WDR27: variants seen among roughly 807,000 people sequenced by gnomAD.
WDR27 encodes WD repeat-containing protein 27.
In WDR27, 100 loss-of-function variants were observed where a neutral mutation model predicts 114.4. That is an observed-to-expected ratio of 0.87 (90% CI 0.74 to 1.03). The LOEUF (loss-of-function observed/expected upper bound fraction) is 1.03. Ranked by LOEUF, WDR27 falls within the 50% of genes least tolerant of loss-of-function variation. WDR27 has a pLI of 0.00. For synonymous variants in WDR27, 449 were observed against 423.1 expected (o/e 1.06, Z -0.75); for missense variants, 1,129 against 1,092.9 (o/e 1.03, Z -0.47).
intron 13 of WDR27, 36 bp downstream of exon 13, chr6:169,658,240 C>A: frequency 2.0e-6 from 3 of 1,533,770 alleles, no homozygotes; most frequent in Non-Finnish European, 2.7e-6. Flanking sequence ...ACGCATCAGC[C>A]TTGTATTCTT....
At chr6:169,441,315 T>A in the WDR27 span, among the ~76,000 whole-genome samples, 4 of 151,746 alleles carry the variant, frequency 2.6e-5, no homozygotes, top group South Asian at 8.4e-4. Context: ...TAAACCTAAT[T>A]TCAAGACAGT....
At chr6:169,582,705 G>A (rs1202321046) in intron 24 of WDR27, 131 bp downstream of exon 24, 12 of 598,362 alleles carry the variant, frequency 2.0e-5, no homozygotes, top group Middle Eastern at 4.1e-4. Context: ...AGTTCTCCTT[G>A]CACTCAGTGA....
downstream of WDR27, among the ~76,000 whole-genome samples, chr6:169,456,590 A>G (rs1419232655): frequency 2.0e-5 from 3 of 152,146 alleles, no homozygotes; most frequent in Non-Finnish European, 4.4e-5. This position sits in a 1 kb window ranked among gnomAD's most constrained non-coding sequence, Gnocchi z 4.0. Flanking sequence ...AGTCTGATAC[A>G]TGCAGAGTCA....
chr6:169,666,817 G>T, intron 6 of WDR27: 1 of 985,486 alleles, frequency 1.0e-6, no homozygotes, highest in Middle Eastern at 5.2e-4. Context: ...GTTCTGGGAT[G>T]TGTTTCTACA....
intron 17 of WDR27, among the ~76,000 whole-genome samples, chr6:169,640,114 G>A (rs73790078): frequency 0.16 from 24,901 of 152,034 alleles, 2,139 homozygotes; most frequent in African/African-American, 0.19. Flanking sequence ...AATGACCCTA[G>A]ACCTGCTCGA....
chr6:169,658,728 G>A (rs1825044698), intron 12 of WDR27, among the ~76,000 whole-genome samples: 1 of 149,802 alleles, frequency 6.7e-6, no homozygotes, highest in Non-Finnish European at 1.5e-5. Context: ...CTGTCACCCA[G>A]GCTGCAGTGC....
At chr6:169,462,490 G>GAGAAAGAAAGAAAGAAAGAA (rs368800707) in intron 25 of WDR27, among the ~76,000 whole-genome samples, 1 of 149,842 alleles carries the variant, frequency 6.7e-6, no homozygotes, top group African/African-American at 2.5e-5. Flanking sequence ...GAGAGAGAGA[G>GAGAAAGAAAGAAAGAAAGAA]AGAAAGAAAG....
intron 22 of WDR27, among the ~76,000 whole-genome samples, chr6:169,611,295 T>C (rs1810461933): frequency 7.3e-6 from 1 of 136,990 alleles, no homozygotes; most frequent in Non-Finnish European, 1.5e-5. Flanking sequence ...TTACTGTAAC[T>C]TTTTTACTTA....
chr6:169,532,328 GAATCAAAAAGC>G (rs1332675314), intron 25 of WDR27, among the ~76,000 whole-genome samples: 1 of 151,950 alleles, frequency 6.6e-6, no homozygotes, highest in Admixed American at 6.6e-5. Flanking sequence ...CTAAAAATGG[GAATCAAAAAGC>G]AATCAAAATA....
rs781625647 is a variant in WDR27, at chr6:169,666,814, G to C, written c.712+322C>G. On this transcript the variant is annotated intron_variant, in intron 6 of 25. Transcript: ENST00000448612. The stretch of plus-strand genomic sequence containing the variant: ...GCCCTACCAACACCGCTGGTTCTGG[G>C]ATGTGTTTCTACAGAGAGCAGAAGG... 1.8e-5 allele frequency: 18 copies of C among 985,358 alleles called. 1 individual carries two copies. Among genetic ancestry groups the C allele is most frequent in the Non-Finnish European group, 2.0e-5 (17 of 829,950 alleles). 61.0% of individuals were successfully genotyped at this position (985,358 alleles called of 1,614,324 possible).
At chr6:169,621,650 CCA>C (rs754210473) in intron 21 of WDR27, among the ~76,000 whole-genome samples, 1 of 139,238 alleles carries the variant, frequency 7.2e-6, no homozygotes, top group South Asian at 2.4e-4. Flanking sequence ...ATATACATAC[CCA>C]CACATTCATT....
intron 23 of WDR27, among the ~76,000 whole-genome samples, chr6:169,584,325 T>C (rs1320262836): frequency 2.0e-5 from 3 of 152,208 alleles, no homozygotes; most frequent in African/African-American, 7.2e-5. Flanking sequence ...AATTTGTTCA[T>C]TGATGAGCTT....
the WDR27 span, among the ~76,000 whole-genome samples, chr6:169,427,545 G>C: frequency 1.3e-5 from 2 of 152,202 alleles, no homozygotes; most frequent in Non-Finnish European, 2.9e-5. Flanking sequence ...TGGGAAGACA[G>C]TGTGCAGAGG....
At chr6:169,688,746 G>A (rs377516204) in intron 2 of WDR27, 71 bp downstream of exon 2, 52 of 1,267,556 alleles carry the variant, frequency 4.1e-5, no homozygotes, top group African/African-American at 3.8e-4. Context: ...AATGCTGTCC[G>A]AACAGCATCA....
intron 5 of WDR27, among the ~76,000 whole-genome samples, chr6:169,667,767 T>C (rs1828268861): frequency 6.6e-6 from 1 of 152,144 alleles, no homozygotes; most frequent in Admixed American, 6.5e-5. Flanking sequence ...CGCAGAACCG[T>C]CCTGTCAGGA....
At position 169,670,696 on chromosome 6, in the gene WDR27, AGAGT is replaced by A; in HGVS notation, c.332-7_332-4del. ...GACAGTCCCTCGAGGGACCAGCCCT[AGAGT>A]GAGTTTCACCATTAGTGCCAGTTTA... On this transcript the variant is annotated splice_region_variant and splice_polypyrimidine_tract_variant and intron_variant, in intron 3 of 25. Transcript: ENST00000448612. The A allele has an allele frequency of 6.2e-7, 1 of 1,613,608 alleles. No individual in the cohort carries two copies. Among genetic ancestry groups the A allele is most frequent in the Non-Finnish European group, 8.5e-7 (1 of 1,179,656 alleles).
intron 25 of WDR27, among the ~76,000 whole-genome samples, chr6:169,558,095 C>T (rs1231189659): frequency 2.0e-5 from 3 of 152,072 alleles, no homozygotes; most frequent in Non-Finnish European, 1.5e-5. Flanking sequence ...GTGTGCCCTG[C>T]ATTTCATCAG....
chr6:169,494,175 T>C lies in WDR27; in HGVS notation c.2646-36541A>G, dbSNP rs548479322. On this transcript the variant is annotated intron_variant, in intron 25 of 25. Coordinates refer to ENST00000448612, the MANE Select transcript of WDR27 (RefSeq NM_182552.5). ...CATTGTGGATACGGCTATGAGGGTG[T>C]TTTTGATGAGATTATTTGGAACTGT... Among the ~76,000 whole-genome samples, 16 of 152,200 alleles carry C rather than the reference T, an allele frequency of 1.1e-4. No homozygotes were observed. In the South Asian group the frequency reaches 1.2e-3, roughly 12 times the overall value.
intron 25 of WDR27, among the ~76,000 whole-genome samples, chr6:169,553,018 GTGTGTGTGTA>G (rs1262221799): frequency 1.0e-4 from 12 of 114,364 alleles, no homozygotes; most frequent in East Asian, 7.4e-4. Context: ...GTGTGTGTGT[GTGTGTGTGTA>G]TGCAGGGAGG....
Sources: gnomAD v4.1 joint callset for allele counts (sites outside exome capture counted in the v4.1 genomes callset) on GRCh38, gnomAD v4.1.1 for gene constraint, Gnocchi (gnomAD v3.1) non-coding constraint, MANE v1.5 for transcripts, NCBI Gene and HGNC (gene_info 2026-07-23, HGNC 2026-07-21) for gene names.